CFAP20DC: variants seen among roughly 807,000 people sequenced by gnomAD.
The protein encoded by CFAP20DC is CFAP20 domain containing.
In CFAP20DC, 84 loss-of-function variants were observed where a neutral mutation model predicts 101.7. The observed-to-expected ratio is 0.83, with a 90% CI of 0.69 to 0.99. The LOEUF is 0.99. CFAP20DC is among the 50% of genes least tolerant of loss of function. The probability of loss-of-function intolerance (pLI) is 0.00; values close to 1 mark genes in which losing one functional copy is unlikely to be tolerated. For synonymous variants in CFAP20DC, 359 were observed against 351.2 expected, an observed-to-expected ratio of 1.02 and a Z score of -0.25; for missense variants, 1,007 against 970.3, an observed-to-expected ratio of 1.04 and a Z score of -0.50.
At chr3:58,828,348 T>C (rs1021177383) in intron 14 of CFAP20DC, among the ~76,000 whole-genome samples, 1 of 152,132 alleles carries the variant, frequency 6.6e-6, no homozygotes, top group African/African-American at 2.4e-5. Flanking sequence ...ATCTCAACCG[T>C]GGAAATTTGA....
chr3:58,727,431 A>G (rs2067568858), intron 3 of CFAP20DC: 1 of 152,068 alleles, frequency 6.6e-6, no homozygotes, highest in African/African-American at 2.4e-5. Context: ...AGTTACACTC[A>G]GTTCTTTTCT....
intron 5 of CFAP20DC, among the ~76,000 whole-genome samples, chr3:58,927,691 TAAGGGGTAG>T (rs771364882): frequency 6.6e-6 from 1 of 152,298 alleles, no homozygotes; most frequent in Non-Finnish European, 1.5e-5. Context: ...TACTAGTTCC[TAAGGGGTAG>T]AAAGAAGTGA....
intron 6 of CFAP20DC, among the ~76,000 whole-genome samples, chr3:58,896,224 G>C (rs1209080763): frequency 6.6e-6 from 1 of 152,102 alleles, no homozygotes; most frequent in East Asian, 1.9e-4. Context: ...GCAATTTTGT[G>C]GGGTCAGTGG....
intron 12 of CFAP20DC, among the ~76,000 whole-genome samples, chr3:58,850,449 G>T (rs1031250752): frequency 6.6e-6 from 1 of 151,866 alleles, no homozygotes; most frequent in East Asian, 1.9e-4. Context: ...TTATCTGGGC[G>T]TGGTGATGCT....
At chr3:58,904,669 A>C (rs1451794046) in intron 6 of CFAP20DC, among the ~76,000 whole-genome samples, 1 of 152,190 alleles carries the variant, frequency 6.6e-6, no homozygotes, top group African/African-American at 2.4e-5. Flanking sequence ...GGTGGAGGTA[A>C]ACTTGTGCAC....
Position 58,831,879 on chromosome 3 carries a change from C to T in CFAP20DC, c.1982G>A (p.Trp661Ter). 1.2e-6 allele frequency: 2 copies of T among 1,613,892 alleles called. No homozygotes were observed. The highest frequency in any genetic ancestry group is 1.7e-6 in the Non-Finnish European group (2 of 1,179,880). The part of the protein sequence containing the change: ...SSIPEASEYD[W>*]RNYQPSQMSE... ...CATCTGGCTTGGCTGATAGTTTCGC[C>T]AGTCATATTCCTGACCAAGAGAGAG... is the stretch of plus-strand genomic sequence containing the variant. The change falls in exon 14 of 17, where the codon TGG becomes TAG. Residue 661 changes from tryptophan (W) to a stop codon, truncating the protein, a stop_gained. Coordinates refer to ENST00000482387, the MANE Select transcript of CFAP20DC (RefSeq NM_001394063.1). LOFTEE classifies it high-confidence loss of function.
intron 6 of CFAP20DC, among the ~76,000 whole-genome samples, chr3:58,890,116 C>G (rs1559773778): frequency 6.6e-6 from 1 of 151,256 alleles, no homozygotes; most frequent in Non-Finnish European, 1.5e-5. Context: ...TCTTCACTTC[C>G]CAGTAGGGGC....
chr3:58,856,167 A>C (rs1163641546), intron 12 of CFAP20DC, among the ~76,000 whole-genome samples: 2 of 151,822 alleles, frequency 1.3e-5, no homozygotes, highest in African/African-American at 2.4e-5. Flanking sequence ...CAGTACACTA[A>C]GGATGAGAAC....
intron 2 of CFAP20DC, 33 bp from the exon 3 acceptor site, chr3:59,046,355 A>G (rs373147231): frequency 5.8e-5 from 76 of 1,309,354 alleles, no homozygotes; most frequent in East Asian, 4.7e-4. Flanking sequence ...TAGTTATCAC[A>G]GGATATTTTA....
At chr3:58,753,083 T>G (rs2068689236) in intron 16 of CFAP20DC, among the ~76,000 whole-genome samples, 1 of 152,186 alleles carries the variant, frequency 6.6e-6, no homozygotes, top group African/African-American at 2.4e-5. Context: ...CACGCACACC[T>G]GACAGTCAAG....
At chr3:58,889,090 C>T (rs1478807873) in intron 6 of CFAP20DC, among the ~76,000 whole-genome samples, 2 of 151,048 alleles carry the variant, frequency 1.3e-5, no homozygotes, top group Non-Finnish European at 2.9e-5. Flanking sequence ...TATTAACTTT[C>T]TCACAGAATA....
intron 14 of CFAP20DC, among the ~76,000 whole-genome samples, chr3:58,830,447 C>T (rs2076319745): frequency 6.6e-6 from 1 of 152,158 alleles, no homozygotes; most frequent in Non-Finnish European, 1.5e-5. Context: ...GCTTACCACA[C>T]AGAGTAGCCG....
At position 58,971,198 on chromosome 3, in the gene CFAP20DC, T is replaced by TTTTTGGCACTGAAAG. The variant is rs1363828415; in HGVS notation, c.279-33437_279-33436insCTTTCAGTGCCAAAA. ...ATCACAAACGATCACTTTCTGAAGC[T>TTTTTGGCACTGAAAG]TACCATAAAGAAGATATTTGGCACT... On this transcript the variant is annotated intron_variant, in intron 4 of 16. Transcript: ENST00000482387. The surrounding 1 kb of genome is among the most constrained non-coding windows in gnomAD (Gnocchi z 4.1). Among the ~76,000 whole-genome samples the TTTTTGGCACTGAAAG allele has an allele frequency of 1.3e-5, 2 of 152,172 alleles. No individual in the cohort carries two copies.
At chr3:59,018,975 G>A (rs1160953079) in intron 4 of CFAP20DC, 1 of 151,912 alleles carries the variant, frequency 6.6e-6, no homozygotes, top group Non-Finnish European at 1.5e-5. Flanking sequence ...AACTGTAAAG[G>A]CAAATGTGGC....
At chr3:59,003,791 T>C (rs2093368661) in intron 4 of CFAP20DC, among the ~76,000 whole-genome samples, 3 of 152,148 alleles carry the variant, frequency 2.0e-5, no homozygotes, top group African/African-American at 7.2e-5. Flanking sequence ...GGGAAGAAAG[T>C]AGAGGAACCT....
At chr3:58,731,740 C>T (rs1350466102) in intron 3 of CFAP20DC, among the ~76,000 whole-genome samples, 8 of 152,172 alleles carry the variant, frequency 5.3e-5, no homozygotes, top group Admixed American at 5.2e-4. Flanking sequence ...TGCGGTACAG[C>T]AGATAAACAG....
At chr3:58,851,636 T>A (rs1402231966) in intron 12 of CFAP20DC, among the ~76,000 whole-genome samples, 2 of 152,086 alleles carry the variant, frequency 1.3e-5, no homozygotes, top group Non-Finnish European at 2.9e-5. Flanking sequence ...TCCACCAAGT[T>A]CAAGACACTT....
Position 59,014,070 on chromosome 3 carries a change from C to A in CFAP20DC, c.278+25487G>T, listed in dbSNP as rs2093642519. Among the ~76,000 whole-genome samples the A allele has an allele frequency of 6.6e-6, 1 of 152,160 alleles. No homozygotes were observed. Among genetic ancestry groups the A allele is most frequent in the Non-Finnish European group, 1.5e-5 (1 of 68,014 alleles). ...AAATTGCATAAAACAGATAGGACAG[C>A]TAATTTAAACAGTTGTTTGCACATT... On this transcript the variant is annotated intron_variant, in intron 4 of 16. Transcript: ENST00000482387. The surrounding 1 kb of genome is among the most constrained non-coding windows in gnomAD (Gnocchi z 4.9).
chr3:58,942,936 C>T (rs773114310), intron 4 of CFAP20DC, among the ~76,000 whole-genome samples: 1 of 152,188 alleles, frequency 6.6e-6, no homozygotes, highest in Non-Finnish European at 1.5e-5. Flanking sequence ...GTCTTCCCCT[C>T]ACAGTGAAAA....
Sources: allele counts gnomAD v4.1 joint callset (sites outside exome capture counted in the v4.1 genomes callset), GRCh38; gene constraint gnomAD v4.1.1; non-coding constraint Gnocchi (gnomAD v3.1); transcripts MANE v1.5; gene names NCBI Gene and HGNC (gene_info 2026-07-23, HGNC 2026-07-21).